Variants in ALDH3A2 observed in about 807,000 individuals in gnomAD.
ALDH3A2 encodes the protein aldehyde dehydrogenase 3 family member A2.
Under a neutral mutation model 51.3 loss-of-function variants are expected in ALDH3A2, and 36 were observed. The ratio of observed to expected loss-of-function variants is 0.70; its 90% CI spans 0.54 to 0.93. ALDH3A2 has a LOEUF of 0.93. ALDH3A2 is among the 40% of genes least tolerant of loss of function. The pLI, the probability that ALDH3A2 is intolerant of heterozygous loss-of-function variation, is 0.00. For missense variants in ALDH3A2, 552 were observed against 603.1 expected (o/e 0.92, Z 0.89); for synonymous variants, 199 against 219.8 (o/e 0.91, Z 0.84).
rs150912282 is a variant in ALDH3A2, at chr17:19,675,082, C to T, written c.1444-476C>T. The stretch of plus-strand genomic sequence containing the variant: ...TTGATAAATTTCATTAGGCCTTTGA[C>T]AACTAAATATGACATTTGAACCTTG... On this transcript the variant is annotated intron_variant, in intron 9 of 9. Transcript: ENST00000176643. The T allele has an allele frequency of 4.9e-3, 781 of 158,118 alleles. 11 individuals are homozygous for T. The highest frequency in any genetic ancestry group is 0.018 in the African/African-American group (736 of 41,592). The allele number at this position is 158,118 out of a possible 1,614,324, so 9.8% of individuals were successfully genotyped here. A position where few individuals can be genotyped will look rare whatever the true frequency, so the allele number is the denominator to read the frequency against.
intron 4 of ALDH3A2, among the ~76,000 whole-genome samples, chr17:19,656,889 A>C (rs2084904703): frequency 6.6e-6 from 1 of 152,256 alleles, no homozygotes; most frequent in African/African-American, 2.4e-5. Context: ...TGTGAAGTAC[A>C]TAATCCAAAG....
chr17:19,657,600 A>G (rs1306788161), intron 4 of ALDH3A2, 145 bp from the exon 5 acceptor site: 1 of 705,328 alleles, frequency 1.4e-6, no homozygotes, highest in Non-Finnish European at 2.5e-6. Flanking sequence ...TGATTTAGAA[A>G]TGAGTTTTTA....
intron 4 of ALDH3A2, 166 bp from the exon 5 acceptor site, chr17:19,657,579 T>C: frequency 1.5e-6 from 1 of 660,946 alleles, no homozygotes; most frequent in Non-Finnish European, 2.7e-6. Context: ...ACTTTCTAAG[T>C]TCCAAACAAC....
At chr17:19,669,356 C>T (rs1040051186) in intron 8 of ALDH3A2, among the ~76,000 whole-genome samples, 12 of 152,080 alleles carry the variant, frequency 7.9e-5, no homozygotes, top group African/African-American at 1.9e-4. Context: ...GAATGCCATA[C>T]GCTGCATGAT....
chr17:19,652,527 C>T lies in ALDH3A2; in HGVS notation c.386-20C>T, dbSNP rs1179951672. The T allele has an allele frequency of 6.3e-7, 1 of 1,577,412 alleles. No individual in the cohort carries two copies. Among genetic ancestry groups the T allele is most frequent in the Non-Finnish European group, 8.7e-7 (1 of 1,147,058 alleles). On this transcript the variant is annotated intron_variant, in intron 2 of 9. Transcript: ENST00000176643. ...AAGTTAAATATTAGATGATACTGTTCTACTTTTTACTTTATTTAGGAAATG... is the reference window on the plus strand; with the variant it reads ...AAGTTAAATATTAGATGATACTGTTTTACTTTTTACTTTATTTAGGAAATG...
At chr17:19,655,186 A>G (rs1425553988) in intron 3 of ALDH3A2, 1 of 152,220 alleles carries the variant, frequency 6.6e-6, no homozygotes, top group Non-Finnish European at 1.5e-5. Flanking sequence ...AGCGAAATAC[A>G]GCTTAAAAAT....
intron 8 of ALDH3A2, among the ~76,000 whole-genome samples, chr17:19,669,896 T>C (rs2085089467): frequency 2.0e-5 from 3 of 152,102 alleles, no homozygotes; most frequent in Admixed American, 2.0e-4. Flanking sequence ...CACCTCAGCC[T>C]CCCAACGTGC....
At chr17:19,664,589 C>G (rs1006695088) in intron 7 of ALDH3A2, among the ~76,000 whole-genome samples, 1 of 152,116 alleles carries the variant, frequency 6.6e-6, no homozygotes, top group African/African-American at 2.4e-5. Context: ...GAAATAATAA[C>G]AGTTTTTAAA....
chr17:19,675,244 T>A, intron 9 of ALDH3A2: 1 of 325,564 alleles, frequency 3.1e-6, no homozygotes, highest in Non-Finnish European at 5.6e-6. Context: ...AATGCTAGGA[T>A]AATAAGTTAG....
Position 19,676,139 on chromosome 17 carries a change from A to G in ALDH3A2, c.*567A>G, listed in dbSNP as rs1286111629. 1 of 158,050 alleles carries G rather than the reference A, an allele frequency of 6.3e-6. No individual in the cohort carries two copies. Among genetic ancestry groups the G allele is most frequent in the Non-Finnish European group, 1.4e-5 (1 of 71,518 alleles). The allele number at this position is 158,050 out of a possible 1,614,324, so 9.8% of individuals were successfully genotyped here. ...GACCTCCAGGAGTAGGCCCCTGGTC[A>G]GAAGTGCCATCTCACCAGTGGTCTT... is the stretch of plus-strand genomic sequence containing the variant. On this transcript the variant is annotated 3_prime_UTR_variant, in exon 10 of 10. Transcript: ENST00000176643.
Position 19,676,238 on chromosome 17 carries a change from C to G in ALDH3A2, c.*666C>G, listed in dbSNP as rs764542409. On this transcript the variant is annotated 3_prime_UTR_variant, in exon 10 of 10. Coordinates refer to ENST00000176643, the MANE Select transcript of ALDH3A2 (RefSeq NM_000382.3). The stretch of plus-strand genomic sequence containing the variant: ...ACAATCTCTTGTGACTAATGTCACT[C>G]AAAGCATCTTGTAAATCCTAGGGCT... The G allele has an allele frequency of 1.3e-5, 2 of 152,388 alleles. No homozygotes were observed. The highest frequency in any genetic ancestry group is 2.9e-5 in the Non-Finnish European group (2 of 68,204). The allele number at this position is 152,388 out of a possible 1,614,324, so 9.4% of individuals were successfully genotyped here.
intron 3 of ALDH3A2, among the ~76,000 whole-genome samples, chr17:19,653,841 T>C (rs933834713): frequency 6.6e-6 from 1 of 152,212 alleles, no homozygotes; most frequent in Non-Finnish European, 1.5e-5. Context: ...CGCATCCTGC[T>C]GATTGGTCCA....
At position 19,668,526 on chromosome 17, in the gene ALDH3A2, G is replaced by T. The variant is rs1358948462; in HGVS notation, c.1208-3195G>T. Reference sequence around the variant, plus strand: ...GCCTCCCAAAGTGCTGGGATTACAGGCATGAGCCACCACATCTGGCCTAAG... The same window carrying T: ...GCCTCCCAAAGTGCTGGGATTACAGTCATGAGCCACCACATCTGGCCTAAG... On this transcript the variant is annotated intron_variant, in intron 8 of 9. Transcript: ENST00000176643. 3.3e-5 allele frequency among the ~76,000 whole-genome samples: 5 copies of T among 152,162 alleles called. No individual in the cohort carries two copies. In the East Asian group the frequency reaches 9.7e-4, roughly 29 times the overall value.
rs150192527 is a variant in ALDH3A2 at position 19,649,172 on chromosome 17, A to G, written c.153+48A>G. The G allele has an allele frequency of 2.5e-3, 3,779 of 1,531,868 alleles. 85 individuals are homozygous for G. The African/African-American group carries it at 0.044, about 18-fold the overall frequency. 94.9% of individuals were successfully genotyped at this position (1,531,868 alleles called of 1,614,324 possible). On this transcript the variant is annotated intron_variant, in intron 1 of 9. Transcript: ENST00000176643. ...GTGGGGAAACTGGCCCCCGCCGCGC[A>G]CTTGTGGACTGGAGCTTCGGCTGGG... is the stretch of plus-strand genomic sequence containing the variant.
Position 19,656,434 on chromosome 17 carries a change from C to T in ALDH3A2, c.540C>T (p.His180=). The change falls in exon 4 of 10, where the codon CAC becomes CAT. Residue 180 remains histidine, a synonymous_variant. Coordinates refer to ENST00000176643, the MANE Select transcript of ALDH3A2 (RefSeq NM_000382.3). ...TTELLKQRFD[H]IFYTGNTAVG... is the part of the protein sequence containing the mutation. Reference sequence around the variant, plus strand: ...AGCTCCTGAAGCAGCGATTTGACCACATTTTCTATACGGGAAACACTGCGG... The same window carrying T: ...AGCTCCTGAAGCAGCGATTTGACCATATTTTCTATACGGGAAACACTGCGG... 1 of 1,614,186 alleles carries T rather than the reference C, an allele frequency of 6.2e-7. No individual in the cohort carries two copies. Among genetic ancestry groups the T allele is most frequent in the South Asian group, 1.1e-5 (1 of 91,086 alleles).
intron 5 of ALDH3A2, among the ~76,000 whole-genome samples, chr17:19,658,696 C>G (rs1017012702): frequency 4.6e-4 from 69 of 150,726 alleles, no homozygotes; most frequent in African/African-American, 1.7e-3. Flanking sequence ...TGCAGTGAGC[C>G]AAGATCACGC....
At chr17:19,658,005 T>C (rs2084919826) in intron 5 of ALDH3A2, 143 bp downstream of exon 5, 9 of 713,056 alleles carry the variant, frequency 1.3e-5, no homozygotes, top group South Asian at 6.3e-5. Context: ...TTGACTAATA[T>C]GAAAATGCTA....
intron 7 of ALDH3A2, 115 bp downstream of exon 7, chr17:19,663,614 C>T: frequency 7.9e-7 from 1 of 1,261,152 alleles, no homozygotes; most frequent in Admixed American, 2.0e-5. Flanking sequence ...TCTTTTGTGT[C>T]ATGTCAGAGT....
intron 5 of ALDH3A2, among the ~76,000 whole-genome samples, chr17:19,658,750 A>G (rs1159909719): frequency 1.1e-4 from 3 of 27,086 alleles, no homozygotes; most frequent in African/African-American, 3.5e-4. Flanking sequence ...TCTGTCTTTA[A>G]AAAAAAAAAA....
Sources: allele counts gnomAD v4.1 joint callset (sites outside exome capture counted in the v4.1 genomes callset), GRCh38; gene constraint gnomAD v4.1.1; transcripts MANE v1.5; gene names NCBI Gene and HGNC (gene_info 2026-07-23, HGNC 2026-07-21).